ANKS1B: variants seen among roughly 807,000 people sequenced by gnomAD.
ANKS1B encodes ankyrin repeat and sterile alpha motif domain containing 1B.
ANKS1B carries 36 observed loss-of-function variants against 148.3 expected under a neutral mutation model. That is an observed-to-expected ratio of 0.24 (90% CI 0.19 to 0.32). ANKS1B has a LOEUF of 0.32. Among genes scored for constraint, ANKS1B ranks in the 10% least tolerant of loss-of-function variants. ANKS1B has a pLI of 1.00. For missense variants in ANKS1B, 1,157 were observed against 1,542.6 expected (o/e 0.75, Z 4.19); for synonymous variants, 542 against 560.8 (o/e 0.97, Z 0.47).
At chr12:99,870,905 T>C (rs2091431472) in intron 1 of ANKS1B, among the ~76,000 whole-genome samples, 1 of 152,214 alleles carries the variant, frequency 6.6e-6, no homozygotes, top group Non-Finnish European at 1.5e-5. Flanking sequence ...TCTCTTGCTG[T>C]GTAGAAGCTC....
intron 12 of ANKS1B, among the ~76,000 whole-genome samples, chr12:99,325,014 G>C (rs867026752): frequency 6.6e-6 from 1 of 152,066 alleles, no homozygotes; most frequent in Non-Finnish European, 1.5e-5. Flanking sequence ...TCTGAAATCA[G>C]ATATGCCGTA....
intron 12 of ANKS1B, among the ~76,000 whole-genome samples, chr12:99,368,719 A>T (rs2152458392): frequency 6.6e-6 from 1 of 152,314 alleles, no homozygotes; most frequent in East Asian, 1.9e-4. Context: ...GAAAACGGAA[A>T]AGAAAAAAGA....
chr12:99,136,853 T>A (rs1209665031), intron 15 of ANKS1B, among the ~76,000 whole-genome samples: 2 of 152,176 alleles, frequency 1.3e-5, no homozygotes, highest in Non-Finnish European at 2.9e-5. Flanking sequence ...AGTGTGCTCC[T>A]TTCTGTCAAT....
intron 17 of ANKS1B, among the ~76,000 whole-genome samples, chr12:98,902,818 G>A (rs764293133): frequency 2.0e-5 from 3 of 152,178 alleles, no homozygotes; most frequent in Non-Finnish European, 4.4e-5. Context: ...GTTCACCCTA[G>A]TACAAATTCA....
chr12:99,521,729 TCTCG>T (rs1247503792), intron 9 of ANKS1B, among the ~76,000 whole-genome samples: 27 of 151,562 alleles, frequency 1.8e-4, no homozygotes, highest in Middle Eastern at 3.4e-3. Context: ...TCTCTCAATC[TCTCG>T]CTCTCTCTCT....
intron 15 of ANKS1B, among the ~76,000 whole-genome samples, chr12:99,135,388 A>G (rs2067676048): frequency 1.3e-5 from 2 of 152,220 alleles, no homozygotes; most frequent in Non-Finnish European, 2.9e-5. Flanking sequence ...ATTTCCCAAA[A>G]TGTACCTTTA....
intron 12 of ANKS1B, among the ~76,000 whole-genome samples, chr12:99,264,645 A>G (rs1054218829): frequency 3.3e-5 from 5 of 152,108 alleles, no homozygotes; most frequent in African/African-American, 1.2e-4. Flanking sequence ...TTCATTCCTC[A>G]AAACGAGCCT....
chr12:99,389,309 C>T (rs888109993), intron 12 of ANKS1B, among the ~76,000 whole-genome samples: 4 of 152,180 alleles, frequency 2.6e-5, no homozygotes, highest in African/African-American at 9.6e-5. Context: ...CCAACATAGA[C>T]AAGTGCAGAG....
chr12:99,317,755 G>C (rs555578469), intron 12 of ANKS1B, among the ~76,000 whole-genome samples: 4 of 152,308 alleles, frequency 2.6e-5, no homozygotes, highest in Admixed American at 2.6e-4. Context: ...TTTTCAAAGG[G>C]AATGCTTCCA....
chr12:99,939,715 C>T (rs767592390), intron 1 of ANKS1B, among the ~76,000 whole-genome samples: 1 of 152,080 alleles, frequency 6.6e-6, no homozygotes, highest in Non-Finnish European at 1.5e-5. Context: ...GAAAAGTGTT[C>T]AACTGTTACT....
intron 12 of ANKS1B, among the ~76,000 whole-genome samples, chr12:99,333,608 T>C (rs1416332776): frequency 6.6e-6 from 1 of 152,098 alleles, no homozygotes; most frequent in African/African-American, 2.4e-5. Flanking sequence ...TGCATGCCTC[T>C]AAGTCACCCA....
chr12:99,389,739 G>A (rs547433996), intron 12 of ANKS1B, among the ~76,000 whole-genome samples: 204 of 152,122 alleles, frequency 1.3e-3, no homozygotes, highest in African/African-American at 4.0e-3. Flanking sequence ...ATATTTTCAC[G>A]TGCATTAATA....
At chr12:99,415,693 C>T (rs1467749502) in intron 11 of ANKS1B, among the ~76,000 whole-genome samples, 1 of 151,606 alleles carries the variant, frequency 6.6e-6, no homozygotes, top group African/African-American at 2.4e-5. Context: ...TCCCATTGCC[C>T]TTTTTTTTGA....
At chr12:99,089,883 A>G (rs1278839803) in intron 15 of ANKS1B, among the ~76,000 whole-genome samples, 3 of 152,190 alleles carry the variant, frequency 2.0e-5, no homozygotes, top group African/African-American at 7.2e-5. Flanking sequence ...AACAATAATC[A>G]ATAAATAAAG....
At chr12:99,804,686 G>A (rs1022385014) in intron 4 of ANKS1B, among the ~76,000 whole-genome samples, 10 of 152,148 alleles carry the variant, frequency 6.6e-5, no homozygotes, top group Non-Finnish European at 1.2e-4. Flanking sequence ...TAGTCCCTCT[G>A]GGTATTCACA....
intron 14 of ANKS1B, among the ~76,000 whole-genome samples, chr12:99,213,974 T>C (rs1393901086): frequency 6.6e-6 from 1 of 152,208 alleles, no homozygotes; most frequent in Non-Finnish European, 1.5e-5. Context: ...AGGACAATAC[T>C]GTGTGGAAAA....
chr12:99,216,401 A>G (rs2084202761), intron 14 of ANKS1B, among the ~76,000 whole-genome samples: 1 of 152,228 alleles, frequency 6.6e-6, no homozygotes, highest in South Asian at 2.1e-4. Flanking sequence ...GCTATCCTGC[A>G]AGCTTTATTA....
chr12:99,823,961 A>G (rs1192659041), intron 2 of ANKS1B, among the ~76,000 whole-genome samples: 1 of 152,122 alleles, frequency 6.6e-6, no homozygotes, highest in Non-Finnish European at 1.5e-5. Flanking sequence ...CTGTTTTTGT[A>G]CCAGTACCAT....
chr12:99,640,656 T>A (rs576747962), intron 9 of ANKS1B, among the ~76,000 whole-genome samples: 1 of 152,200 alleles, frequency 6.6e-6, no homozygotes, highest in Admixed American at 6.5e-5. Flanking sequence ...CTTTATAAAT[T>A]ATCCAGTCGG....
Sources: allele counts gnomAD v4.1 joint callset (sites outside exome capture counted in the v4.1 genomes callset), GRCh38; gene constraint gnomAD v4.1.1; transcripts MANE v1.5; gene names NCBI Gene and HGNC (gene_info 2026-07-23, HGNC 2026-07-21).